The following FRAS1 variants were observed in gnomAD, a reference collection of about 807,000 sequenced individuals.
FRAS1 encodes the protein extracellular matrix organizing protein FRAS1.
In FRAS1, 290 loss-of-function variants were observed where a neutral mutation model predicts 435.2. The observed-to-expected ratio is 0.67, with a 90% CI of 0.61 to 0.73. The LOEUF (loss-of-function observed/expected upper bound fraction) is 0.73. Ranked by LOEUF, FRAS1 falls within the 30% of genes least tolerant of loss-of-function variation. The pLI, the probability that FRAS1 is intolerant of heterozygous loss-of-function variation, is 0.00. For synonymous variants in FRAS1, 1,800 were observed against 1,851.0 expected, an observed-to-expected ratio of 0.97 and a Z score of 0.71; for missense variants, 4,860 against 5,001.5, an observed-to-expected ratio of 0.97 and a Z score of 0.85.
chr4:78,080,501 G>A (rs930735515), intron 2 of FRAS1, among the ~76,000 whole-genome samples: 2 of 152,168 alleles, frequency 1.3e-5, no homozygotes, highest in Non-Finnish European at 2.9e-5. Context: ...TCTTTTGTAA[G>A]TGGAATAGCT....
At chr4:78,255,490 T>G (rs1725749511) in intron 6 of FRAS1, 115 bp downstream of exon 6, 1 of 1,134,408 alleles carries the variant, frequency 8.8e-7, no homozygotes, top group Admixed American at 2.9e-5. Context: ...GCAAAGCCCT[T>G]TTTGTTTTCC....
intron 6 of FRAS1, among the ~76,000 whole-genome samples, chr4:78,260,867 C>T (rs1243486086): frequency 6.6e-6 from 1 of 152,128 alleles, no homozygotes; most frequent in Non-Finnish European, 1.5e-5. Context: ...ATTCAAACGT[C>T]TTTCAGAATA....
intron 14 of FRAS1, among the ~76,000 whole-genome samples, chr4:78,299,521 G>A (rs1032027009): frequency 4.6e-5 from 7 of 152,176 alleles, no homozygotes; most frequent in Admixed American, 3.9e-4. Flanking sequence ...CAGTATAACT[G>A]CATGTCTGCG....
At chr4:78,315,781 T>A (rs2110232626) in intron 16 of FRAS1, 47 bp downstream of exon 16, 1 of 1,603,272 alleles carries the variant, frequency 6.2e-7, no homozygotes, top group African/African-American at 1.3e-5. Flanking sequence ...ATTGAGTACA[T>A]GTTTGACTAT....
chr4:78,409,208 A>C (rs908739009), intron 31 of FRAS1, among the ~76,000 whole-genome samples: 2 of 150,870 alleles, frequency 1.3e-5, no homozygotes, highest in Admixed American at 1.3e-4. Context: ...TATAAATTAT[A>C]AATTAATAAT....
At chr4:78,209,107 G>GGC (rs1244133338) in intron 2 of FRAS1, among the ~76,000 whole-genome samples, 1 of 151,824 alleles carries the variant, frequency 6.6e-6, no homozygotes, top group Non-Finnish European at 1.5e-5. Flanking sequence ...GTCGTGCCAT[G>GGC]ACACTCCAGC....
intron 14 of FRAS1, among the ~76,000 whole-genome samples, chr4:78,300,116 G>A (rs1214921900): frequency 6.6e-6 from 1 of 152,192 alleles, no homozygotes; most frequent in East Asian, 1.9e-4. Context: ...GATGACTACA[G>A]TCAGTAATGA....
intron 34 of FRAS1, among the ~76,000 whole-genome samples, chr4:78,423,583 G>C (rs928720254): frequency 6.6e-6 from 1 of 152,160 alleles, no homozygotes; most frequent in Non-Finnish European, 1.5e-5. Flanking sequence ...GTTGAACATG[G>C]TTTAAGTAAT....
At chr4:78,143,526 C>T (rs961540523) in intron 2 of FRAS1, among the ~76,000 whole-genome samples, 5 of 152,084 alleles carry the variant, frequency 3.3e-5, no homozygotes, top group African/African-American at 1.2e-4. Flanking sequence ...GCAAAACACA[C>T]ATTTCTTTCA....
At chr4:78,483,799 A>ATATATATATATAT (rs1560753038) in intron 58 of FRAS1, among the ~76,000 whole-genome samples, 967 of 67,086 alleles carry the variant, frequency 0.014, 105 homozygotes, top group Non-Finnish European at 0.018. Flanking sequence ...TATATATATA[A>ATATATATATATAT]AATTATGTAT....
At chr4:78,134,148 TG>T (rs1719822967) in intron 2 of FRAS1, among the ~76,000 whole-genome samples, 1 of 151,444 alleles carries the variant, frequency 6.6e-6, no homozygotes, top group South Asian at 2.1e-4. Context: ...TTTGTAGAGG[TG>T]GGGTTTCGAG....
intron 61 of FRAS1, among the ~76,000 whole-genome samples, chr4:78,505,608 T>G (rs527479209): frequency 4.3e-4 from 66 of 152,318 alleles, no homozygotes; most frequent in Admixed American, 1.0e-3. Context: ...CGACACTGTT[T>G]ATTCTAGTTA....
chr4:78,084,147 G>A (rs1354630814), intron 2 of FRAS1, among the ~76,000 whole-genome samples: 1 of 152,048 alleles, frequency 6.6e-6, no homozygotes, highest in African/African-American at 2.4e-5. Flanking sequence ...GTTCCTGTGA[G>A]GTCCCACAAT....
intron 2 of FRAS1, among the ~76,000 whole-genome samples, chr4:78,124,105 T>C (rs1578139781): frequency 1.3e-5 from 2 of 152,338 alleles, no homozygotes; most frequent in Admixed American, 6.5e-5. Flanking sequence ...ATATTGGCTG[T>C]AGGTTTGTCA....
intron 27 of FRAS1, among the ~76,000 whole-genome samples, chr4:78,381,893 A>C (rs553399685): frequency 7.9e-5 from 12 of 151,392 alleles, no homozygotes; most frequent in Non-Finnish European, 1.5e-4. Context: ...GAGGTATAAT[A>C]AAAATTCAGC....
At chr4:78,219,135 A>G (rs1417295339) in intron 2 of FRAS1, among the ~76,000 whole-genome samples, 1 of 152,156 alleles carries the variant, frequency 6.6e-6, no homozygotes, top group African/African-American at 2.4e-5. Context: ...TATAAACCAA[A>G]TGCTATTTAA....
intron 20 of FRAS1, 90 bp from the exon 21 acceptor site, chr4:78,363,423 A>G: frequency 7.7e-7 from 1 of 1,298,466 alleles, no homozygotes; most frequent in Non-Finnish European, 1.0e-6. Context: ...CAGTGTTTGT[A>G]ATTGAAATCT....
intron 63 of FRAS1, among the ~76,000 whole-genome samples, chr4:78,509,668 C>T (rs545834673): frequency 6.6e-6 from 1 of 152,294 alleles, no homozygotes; most frequent in East Asian, 1.9e-4. Flanking sequence ...CCCCTGACAC[C>T]ATCAGAGAAC....
chr4:78,419,042 C>T lies in FRAS1; in HGVS notation c.4519C>T (p.Leu1507=). The change falls in exon 33 of 74, where the codon CTA becomes TTA. Residue 1507 remains leucine (L), a synonymous_variant. Coordinates refer to ENST00000512123, the MANE Select transcript of FRAS1 (RefSeq NM_025074.7). ...TGGAAAGATTGTCTACAACATCACTCTACCTCTGCATCCAAATCAAGGTAA... is the reference window on the plus strand; with the variant it reads ...TGGAAAGATTGTCTACAACATCACTTTACCTCTGCATCCAAATCAAGGTAA... ...PSGKIVYNIT[L]PLHPNQGIIE... The T allele has an allele frequency of 6.4e-7, 1 of 1,573,546 alleles. No individual in the cohort carries two copies. Among genetic ancestry groups the T allele is most frequent in the South Asian group, 1.2e-5 (1 of 83,106 alleles).
Sources: allele counts gnomAD v4.1 joint callset (sites outside exome capture counted in the v4.1 genomes callset), GRCh38; gene constraint gnomAD v4.1.1; transcripts MANE v1.5; gene names NCBI Gene and HGNC (gene_info 2026-07-23, HGNC 2026-07-21).